The following MMS22L variants were observed in gnomAD, a reference collection of about 807,000 sequenced individuals.
MMS22L encodes the protein MMS22 like, DNA repair protein.
A neutral mutation model predicts 159.1 loss-of-function variants in MMS22L; 74 were observed. That is an observed-to-expected ratio of 0.47 (90% confidence interval 0.39 to 0.56). The LOEUF (loss-of-function observed/expected upper bound fraction) is 0.56. Ranked by LOEUF, MMS22L falls within the 20% of genes least tolerant of loss-of-function variation. MMS22L has a pLI of 0.00. For synonymous variants in MMS22L, 517 were observed against 506.9 expected, an observed-to-expected ratio of 1.02 and a Z score of -0.27; for missense variants, 1,351 against 1,422.1, an observed-to-expected ratio of 0.95 and a Z score of 0.80.
intron 14 of MMS22L, among the ~76,000 whole-genome samples, chr6:97,225,269 T>C (rs1810099141): frequency 1.3e-5 from 2 of 152,234 alleles, no homozygotes; most frequent in South Asian, 4.1e-4. Context: ...TTTTTTGCTT[T>C]CTTTGTATTT....
chr6:97,250,847 A>G (rs1813160456), intron 10 of MMS22L, among the ~76,000 whole-genome samples: 2 of 152,196 alleles, frequency 1.3e-5, no homozygotes, highest in South Asian at 4.1e-4. Flanking sequence ...TGAAGAACAC[A>G]TGACTAGCCA....
chr6:97,235,110 G>A (rs1444386301), intron 11 of MMS22L, among the ~76,000 whole-genome samples: 1 of 152,134 alleles, frequency 6.6e-6, no homozygotes, highest in African/African-American at 2.4e-5. Context: ...GTGAATAGAG[G>A]GGTTAAGAAG....
intron 4 of MMS22L, among the ~76,000 whole-genome samples, chr6:97,274,321 T>C (rs1227535254): frequency 6.6e-6 from 1 of 152,178 alleles, no homozygotes; most frequent in Non-Finnish European, 1.5e-5. Flanking sequence ...TGCATTTTTA[T>C]GGCTTTATTT....
rs373948089 is a variant in MMS22L at position 97,193,068 on chromosome 6, A to G, written c.2040-6378T>C. On this transcript the variant is annotated intron_variant, in intron 14 of 24. Coordinates refer to ENST00000683635, the MANE Select transcript of MMS22L (RefSeq NM_001350599.2). Reference sequence around the variant, plus strand: ...GTCGCATTGCTGTATTCACTCATTCATATGTAAGTTCTTAATAAAGGTAGT... The same window carrying G: ...GTCGCATTGCTGTATTCACTCATTCGTATGTAAGTTCTTAATAAAGGTAGT... Among the ~76,000 whole-genome samples the G allele has an allele frequency of 3.1e-4, 47 of 152,318 alleles. 1 individual carries two copies. In the East Asian group the frequency reaches 8.7e-3, roughly 28 times the overall value.
At chr6:97,219,063 C>G (rs144054697) in intron 14 of MMS22L, among the ~76,000 whole-genome samples, 282 of 152,156 alleles carry the variant, frequency 1.9e-3, no homozygotes, top group African/African-American at 6.5e-3. Flanking sequence ...TGGGAACCAC[C>G]CCCATGATCC....
chr6:97,270,013 T>C (rs1446538858), intron 6 of MMS22L, 21 bp from the exon 7 acceptor site: 6 of 1,562,094 alleles, frequency 3.8e-6, no homozygotes, highest in Non-Finnish European at 4.4e-6. Flanking sequence ...CATTATCAAC[T>C]GTGATTGAGA....
At position 97,163,170 on chromosome 6, in the gene MMS22L, G is replaced by A. The variant is rs549090165; in HGVS notation, c.3222-1005C>T. Among the ~76,000 whole-genome samples the A allele has an allele frequency of 2.1e-3, 312 of 152,144 alleles. 3 individuals carry two copies. The highest frequency in any genetic ancestry group is 7.2e-3 in the African/African-American group (299 of 41,534). On this transcript the variant is annotated intron_variant, in intron 21 of 24. Coordinates refer to ENST00000683635, the MANE Select transcript of MMS22L (RefSeq NM_001350599.2). ...TAGAACAAACATATATTGGGCGCCA[G>A]TGGAATGCCAGGTACATGTCTAAGA...
At chr6:97,190,145 T>C (rs542326909) in intron 14 of MMS22L, among the ~76,000 whole-genome samples, 4 of 152,262 alleles carry the variant, frequency 2.6e-5, no homozygotes, top group Admixed American at 2.6e-4. Context: ...TTTACAAAAA[T>C]GCAAAGAAGA....
At chr6:97,173,984 GCTC>G (rs3061515) in intron 18 of MMS22L, among the ~76,000 whole-genome samples, 82,835 of 151,522 alleles carry the variant, frequency 0.55, 23,482 homozygotes, top group African/African-American at 0.7. Flanking sequence ...CGGTGCGGTG[GCTC>G]CTCACGCCTG....
At chr6:97,178,306 T>G in intron 18 of MMS22L, 137 bp downstream of exon 18, 1 of 642,414 alleles carries the variant, frequency 1.6e-6, no homozygotes, top group Non-Finnish European at 2.5e-6. Flanking sequence ...CCTCCAGAAC[T>G]TTATAATAGC....
At chr6:97,251,654 T>A (rs1203687041) in intron 10 of MMS22L, among the ~76,000 whole-genome samples, 1 of 152,226 alleles carries the variant, frequency 6.6e-6, no homozygotes, top group African/African-American at 2.4e-5. Flanking sequence ...TTTAAAATCG[T>A]GGCAAAAGAA....
chr6:97,230,666 A>G (rs897324616), intron 13 of MMS22L: 1 of 152,174 alleles, frequency 6.6e-6, no homozygotes, highest in Non-Finnish European at 1.5e-5. Flanking sequence ...AAATTGCTTA[A>G]GATTCAAAAA....
chr6:97,237,272 T>C (rs1322690059), intron 11 of MMS22L, among the ~76,000 whole-genome samples: 1 of 152,088 alleles, frequency 6.6e-6, no homozygotes, highest in African/African-American at 2.4e-5. Flanking sequence ...CTAGCAGAAA[T>C]AGTGTACAGG....
chr6:97,255,939 T>C (rs1265078863), intron 9 of MMS22L, among the ~76,000 whole-genome samples: 1 of 152,142 alleles, frequency 6.6e-6, no homozygotes, highest in Non-Finnish European at 1.5e-5. Flanking sequence ...AATACGTCAC[T>C]TTCTTGTATC....
intron 22 of MMS22L, among the ~76,000 whole-genome samples, chr6:97,152,627 G>T (rs1801424801): frequency 1.3e-5 from 2 of 152,024 alleles, no homozygotes; most frequent in South Asian, 4.1e-4. Context: ...TATAGCAGGA[G>T]CACAAAATAT....
intron 21 of MMS22L, among the ~76,000 whole-genome samples, chr6:97,163,632 T>C (rs2128244803): frequency 6.6e-6 from 1 of 152,168 alleles, no homozygotes; most frequent in Non-Finnish European, 1.5e-5. Flanking sequence ...AAACACTGTG[T>C]TAGGTTACTA....
chr6:97,189,473 A>G (rs1031469508), intron 14 of MMS22L, among the ~76,000 whole-genome samples: 3 of 132,450 alleles, frequency 2.3e-5, no homozygotes, highest in African/African-American at 8.4e-5. Flanking sequence ...AGGCTGGAGG[A>G]TTGCTTGAGG....
intron 20 of MMS22L, among the ~76,000 whole-genome samples, chr6:97,167,095 A>G (rs1307219871): frequency 1.3e-5 from 2 of 152,086 alleles, no homozygotes; most frequent in African/African-American, 2.4e-5. Context: ...TTAACATCAG[A>G]CACTAATGAA....
intron 11 of MMS22L, among the ~76,000 whole-genome samples, chr6:97,238,655 A>G (rs753006567): frequency 1.6e-4 from 24 of 150,376 alleles, no homozygotes; most frequent in Admixed American, 1.1e-3. Context: ...GAATATTCCA[A>G]TAAGTCCGTT....
Sources: gnomAD v4.1 joint callset for allele counts (sites outside exome capture counted in the v4.1 genomes callset) on GRCh38, gnomAD v4.1.1 for gene constraint, MANE v1.5 for transcripts, NCBI Gene and HGNC (gene_info 2026-07-23, HGNC 2026-07-21) for gene names.